The following MICAL3 variants were observed in gnomAD, a reference collection of about 807,000 sequenced individuals.
The protein encoded by MICAL3 is [F-actin]-monooxygenase MICAL3.
MICAL3 carries 62 observed loss-of-function variants against 207.4 expected under a neutral mutation model. The observed-to-expected ratio is 0.30, with a 90% CI of 0.24 to 0.37. MICAL3 has a LOEUF of 0.37. Among genes scored for constraint, MICAL3 ranks in the 10% least tolerant of loss-of-function variants. The probability of loss-of-function intolerance (pLI) is 1.00; values close to 1 mark genes in which losing one functional copy is unlikely to be tolerated. For synonymous variants in MICAL3, 1,077 were observed against 1,069.3 expected, an observed-to-expected ratio of 1.01 and a Z score of -0.14; for missense variants, 2,368 against 2,635.6, an observed-to-expected ratio of 0.90 and a Z score of 2.22.
At chr22:17,950,338 T>G (rs1053601129) in intron 1 of MICAL3, among the ~76,000 whole-genome samples, 8 of 70,190 alleles carry the variant, frequency 1.1e-4, no homozygotes, top group African/African-American at 2.2e-4. Context: ...TTTGTTTTTG[T>G]TTTTTTTTTT....
chr22:18,013,413 C>T (rs1291088554), intron 1 of MICAL3, among the ~76,000 whole-genome samples: 1 of 152,194 alleles, frequency 6.6e-6, no homozygotes, highest in African/African-American at 2.4e-5. Context: ...GTACAGGTAG[C>T]TGAGCTTCAG....
intron 1 of MICAL3, among the ~76,000 whole-genome samples, chr22:18,013,987 G>A (rs1923901202): frequency 6.6e-6 from 1 of 151,724 alleles, no homozygotes; most frequent in African/African-American, 2.4e-5. Flanking sequence ...TGTAGAAACG[G>A]GGTCTTACCA....
intron 19 of MICAL3, among the ~76,000 whole-genome samples, chr22:17,846,029 G>C (rs1924596849): frequency 6.6e-6 from 1 of 152,210 alleles, no homozygotes; most frequent in Non-Finnish European, 1.5e-5. Context: ...TTAATTTTGG[G>C]CTTGGCTACA....
In MICAL3 at chr22:17,816,655, C is replaced by T. The variant is rs551377999; in HGVS notation, c.5445+35G>A. 11 of 1,457,650 alleles carry T rather than the reference C, an allele frequency of 7.5e-6. No individual in the cohort carries two copies. In the African/African-American group the frequency reaches 1.5e-4, roughly 20 times the overall value. The allele number at this position is 1,457,650 out of a possible 1,614,324, so 90.3% of individuals were successfully genotyped here. On this transcript the variant is annotated intron_variant, in intron 27 of 31. Coordinates refer to ENST00000441493, the MANE Select transcript of MICAL3 (RefSeq NM_015241.3). ...AGCCCAACAATGAACAGACAGGGCC[C>T]CAGGCCCTGTGAAGCCCCCTGCCTG...
intron 19 of MICAL3, chr22:17,864,253 G>C: frequency 9.7e-7 from 1 of 1,036,220 alleles, no homozygotes; most frequent in Non-Finnish European, 1.2e-6. Context: ...AAGTGGTCAT[G>C]AAAGTGGGAC....
intron 19 of MICAL3, among the ~76,000 whole-genome samples, chr22:17,851,499 T>A (rs1023928805): frequency 6.6e-5 from 10 of 152,196 alleles, no homozygotes; most frequent in African/African-American, 2.4e-4. Context: ...TGCATCAGGG[T>A]AGGCAGTCAA....
intron 17 of MICAL3, among the ~76,000 whole-genome samples, chr22:17,867,637 C>A (rs1297965068): frequency 6.6e-6 from 1 of 152,242 alleles, no homozygotes; most frequent in Non-Finnish European, 1.5e-5. Context: ...CCACCCCACC[C>A]AGGACAGGGT....
intron 19 of MICAL3, chr22:17,863,170 A>T (rs1363629558): frequency 1.0e-6 from 1 of 985,362 alleles, no homozygotes; most frequent in Admixed American, 6.1e-5. Context: ...AACCTCGACC[A>T]GATGGGAAAG....
chr22:17,881,275 C>G (rs1929402053), intron 16 of MICAL3: 16 of 1,610,948 alleles, frequency 9.9e-6, no homozygotes, highest in Non-Finnish European at 1.4e-5. Flanking sequence ...TTTTTTGGGG[C>G]AGGTCCGAGA....
chr22:17,950,711 C>CT, intron 1 of MICAL3, among the ~76,000 whole-genome samples: 1 of 152,278 alleles, frequency 6.6e-6, no homozygotes, highest in Non-Finnish European at 1.5e-5. Flanking sequence ...AGGACAACTC[C>CT]CTTTGAAGAG....
chr22:17,939,481 A>G (rs1249221436), intron 1 of MICAL3, among the ~76,000 whole-genome samples: 1 of 152,186 alleles, frequency 6.6e-6, no homozygotes, highest in Non-Finnish European at 1.5e-5. Flanking sequence ...GCAGCCACGT[A>G]TCCCTGCCAT....
At chr22:17,908,350 C>G (rs141028313) in intron 1 of MICAL3, among the ~76,000 whole-genome samples, 3,032 of 152,104 alleles carry the variant, frequency 0.02, 45 homozygotes, top group Non-Finnish European at 0.026. Flanking sequence ...CTTTGTTGCC[C>G]AGGCTGGAAT....
At chr22:17,915,367 A>C (rs1424974489) in intron 1 of MICAL3, among the ~76,000 whole-genome samples, 1 of 152,104 alleles carries the variant, frequency 6.6e-6, no homozygotes, top group Non-Finnish European at 1.5e-5. Flanking sequence ...GTACAGGGCA[A>C]CCTCCAGGCC....
chr22:17,802,571 G>A (rs2061951590), intron 29 of MICAL3, among the ~76,000 whole-genome samples: 1 of 152,106 alleles, frequency 6.6e-6, no homozygotes, highest in African/African-American at 2.4e-5. Context: ...TGGGAGCGTG[G>A]GACTGGAGAA....
chr22:17,979,035 G>C (rs1935784598), intron 1 of MICAL3, among the ~76,000 whole-genome samples: 2 of 151,552 alleles, frequency 1.3e-5, no homozygotes, highest in African/African-American at 4.8e-5. Context: ...ACTTAGCTGG[G>C]TGTGGTGGTA....
chr22:18,021,754 C>T (rs915307662), intron 1 of MICAL3, among the ~76,000 whole-genome samples: 1 of 152,106 alleles, frequency 6.6e-6, no homozygotes, highest in Non-Finnish European at 1.5e-5. Flanking sequence ...GGTAGGGAGA[C>T]CCTTCCTGGC....
intron 1 of MICAL3, among the ~76,000 whole-genome samples, chr22:17,999,846 A>G (rs995118221): frequency 6.6e-6 from 1 of 152,244 alleles, no homozygotes; most frequent in South Asian, 2.1e-4. Flanking sequence ...TGAATACACT[A>G]TAAAAGAGAT....
At chr22:17,882,966 T>G (rs1929569779) in intron 16 of MICAL3, among the ~76,000 whole-genome samples, 1 of 152,118 alleles carries the variant, frequency 6.6e-6, no homozygotes, top group African/African-American at 2.4e-5. Flanking sequence ...TGGCGGCCCC[T>G]CAGTGCCATT....
At position 17,822,129 on chromosome 22, in the gene MICAL3, GCTCT is replaced by G; in HGVS notation, c.3345_3348del (p.Arg1115SerfsTer16). The G allele has an allele frequency of 1.2e-6, 2 of 1,613,838 alleles. No individual in the cohort carries two copies. The highest frequency in any genetic ancestry group is 1.7e-6 in the Non-Finnish European group (2 of 1,179,896). On this transcript the variant is annotated frameshift_variant, in exon 24 of 32. Coordinates refer to ENST00000441493, the MANE Select transcript of MICAL3 (RefSeq NM_015241.3). LOFTEE classifies it high-confidence loss of function. Reference sequence around the variant, plus strand: ...CCCTCAGCTGGGCACGGCAAACGCAGCTCTCTGTCAGCATCCGACGGGCTGTCAG... The same window carrying G: ...CCCTCAGCTGGGCACGGCAAACGCAGCTGTCAGCATCCGACGGGCTGTCAG...
Sources: allele counts gnomAD v4.1 joint callset (sites outside exome capture counted in the v4.1 genomes callset), GRCh38; gene constraint gnomAD v4.1.1; transcripts MANE v1.5; gene names NCBI Gene and HGNC (gene_info 2026-07-23, HGNC 2026-07-21).